The following TGFBRAP1 variants were observed in gnomAD, a reference collection of about 807,000 sequenced individuals.
TGFBRAP1 encodes the protein transforming growth factor beta receptor associated protein 1.
A neutral mutation model predicts 83.2 loss-of-function variants in TGFBRAP1; 20 were observed. The observed-to-expected ratio is 0.24, with a 90% CI of 0.17 to 0.35. TGFBRAP1 has a LOEUF of 0.35. Among genes scored for constraint, TGFBRAP1 ranks in the 10% least tolerant of loss-of-function variants. The pLI, the probability that TGFBRAP1 is intolerant of heterozygous loss-of-function variation, is 1.00. For missense variants in TGFBRAP1, 950 were observed against 1,099.4 expected, an observed-to-expected ratio of 0.86 and a Z score of 1.92; for synonymous variants, 415 against 459.8, an observed-to-expected ratio of 0.90 and a Z score of 1.25.
Position 105,267,482 on chromosome 2 carries a change from A to C in TGFBRAP1, c.2484T>G (p.Pro828=). 1 of 1,614,230 alleles carries C rather than the reference A, an allele frequency of 6.2e-7. No homozygotes were observed. The highest frequency in any genetic ancestry group is 8.5e-7 in the Non-Finnish European group (1 of 1,180,048). ...CQICQNPFCE[P]VFVRYPNGGL... ...CACCATTTGGGTATCTAACAAACAC[A>C]GGCTCACAAAAGGGATTTTGGCATA... The change falls in exon 12 of 12, where the codon CCT becomes CCG. Residue 828 remains proline (P), a synonymous_variant. Coordinates refer to ENST00000393359, the MANE Select transcript of TGFBRAP1 (RefSeq NM_004257.6).
At chr2:105,285,589 C>T (rs551278144) in intron 4 of TGFBRAP1, among the ~76,000 whole-genome samples, 68 of 152,342 alleles carry the variant, frequency 4.5e-4, no homozygotes, top group Non-Finnish European at 8.1e-4. Context: ...GAAGGTACAA[C>T]AGAAGTGGAA....
chr2:105,258,764 C>T, the TGFBRAP1 span, among the ~76,000 whole-genome samples: 3 of 151,698 alleles, frequency 2.0e-5, no homozygotes, highest in Admixed American at 6.6e-5. Flanking sequence ...CACACACACA[C>T]ACACACACAC....
intron 1 of TGFBRAP1, among the ~76,000 whole-genome samples, chr2:105,325,486 T>C (rs771076407): frequency 6.6e-6 from 1 of 152,162 alleles, no homozygotes; most frequent in Non-Finnish European, 1.5e-5. Flanking sequence ...CATATTCTTA[T>C]TGATTGAGGG....
At chr2:105,299,378 A>G (rs1331696607) in intron 2 of TGFBRAP1, among the ~76,000 whole-genome samples, 1 of 152,234 alleles carries the variant, frequency 6.6e-6, no homozygotes, top group Non-Finnish European at 1.5e-5. Flanking sequence ...ACGTGAGGAC[A>G]AAGTGACTTT....
chr2:105,296,290 G>A, intron 4 of TGFBRAP1, 66 bp downstream of exon 4: 1 of 1,595,538 alleles, frequency 6.3e-7, no homozygotes, highest in Non-Finnish European at 8.5e-7. Context: ...ATGCATGTTA[G>A]TTAAATCTGA....
Position 105,277,691 on chromosome 2 carries a change from T to C in TGFBRAP1, c.1464-20A>G. On this transcript the variant is annotated intron_variant, in intron 6 of 11. Transcript: ENST00000393359. ...AAATACCTGAAACAGAACAACACGG[T>C]AAGTACAACCTCTCCCCATCAGCTC... The C allele has an allele frequency of 1.2e-6, 2 of 1,613,478 alleles. No individual in the cohort carries two copies. The highest frequency in any genetic ancestry group is 1.1e-5 in the South Asian group (1 of 91,066).
intron 1 of TGFBRAP1, among the ~76,000 whole-genome samples, chr2:105,320,489 G>T (rs1377468923): frequency 6.6e-6 from 1 of 151,852 alleles, no homozygotes; most frequent in East Asian, 1.9e-4. Context: ...CAGATCTGAA[G>T]GCAATGCAGA....
rs542274960 is a variant in TGFBRAP1 at position 105,293,777 on chromosome 2, C to A, written c.1038+2579G>T. 2.3e-4 allele frequency among the ~76,000 whole-genome samples: 35 copies of A among 152,238 alleles called. 1 individual carries two copies. In the South Asian group the frequency reaches 2.7e-3, roughly 12 times the overall value. ...GCCAATCCATTATATCACAGCTCTG[C>A]TGGAAGGCCAGTTGGAAGCTCTGAA... is the stretch of plus-strand genomic sequence containing the variant. On this transcript the variant is annotated intron_variant, in intron 4 of 11. Transcript: ENST00000393359.
intron 2 of TGFBRAP1, among the ~76,000 whole-genome samples, chr2:105,299,331 T>C (rs995979976): frequency 1.3e-5 from 2 of 152,028 alleles, no homozygotes; most frequent in Non-Finnish European, 2.9e-5. Context: ...TACATTTCCA[T>C]ATAAGCCACA....
intron 2 of TGFBRAP1, among the ~76,000 whole-genome samples, chr2:105,299,544 A>T (rs1285885813): frequency 1.3e-5 from 2 of 152,012 alleles, no homozygotes; most frequent in African/African-American, 4.8e-5. Flanking sequence ...TTAAGGCTGA[A>T]CATCGCCCAA....
rs762329839 is a variant in TGFBRAP1, at chr2:105,308,202, C to T, written c.100G>A (p.Gly34Ser). 7.4e-6 allele frequency: 12 copies of T among 1,614,096 alleles called. No individual in the cohort carries two copies. Among genetic ancestry groups the T allele is most frequent in the South Asian group, 2.2e-5 (2 of 91,088 alleles). Reference sequence around the variant, plus strand: ...TTGGTGCCCACGTAGAGGTCCCTGCCGCAGCACTCCACGCACTCTATGTTG... The same window carrying T: ...TTGGTGCCCACGTAGAGGTCCCTGCTGCAGCACTCCACGCACTCTATGTTG... ...RVNIECVECC[G>S]RDLYVGTNDC... is the part of the protein sequence containing the mutation. The change falls in exon 2 of 12, where the codon GGC becomes AGC. Residue 34 changes from glycine to serine, a missense_variant. Gly to Ser is a moderately conservative substitution (Grantham distance 56, BLOSUM62 0). Transcript: ENST00000393359.
At chr2:105,325,666 T>C (rs906423963) in intron 1 of TGFBRAP1, among the ~76,000 whole-genome samples, 3 of 152,112 alleles carry the variant, frequency 2.0e-5, no homozygotes, top group Admixed American at 2.0e-4. Context: ...TGGCTCTATC[T>C]GCTTGCTGAA....
At chr2:105,272,453 G>A (rs115892234) in intron 10 of TGFBRAP1, among the ~76,000 whole-genome samples, 286 of 152,272 alleles carry the variant, frequency 1.9e-3, no homozygotes, top group African/African-American at 6.4e-3. Flanking sequence ...ACACACAGAC[G>A]TCTAAAGTCT....
intron 4 of TGFBRAP1, among the ~76,000 whole-genome samples, chr2:105,288,934 T>C (rs1235199471): frequency 1.3e-5 from 2 of 152,198 alleles, no homozygotes; most frequent in Non-Finnish European, 2.9e-5. Flanking sequence ...AGTGTTAGAA[T>C]ATTAGAGGCT....
chr2:105,322,110 T>C (rs1679084802), intron 1 of TGFBRAP1, among the ~76,000 whole-genome samples: 1 of 152,128 alleles, frequency 6.6e-6, no homozygotes, highest in East Asian at 1.9e-4. Flanking sequence ...ATAAGGATGA[T>C]CCTGACCCTG....
intron 2 of TGFBRAP1, among the ~76,000 whole-genome samples, chr2:105,306,269 T>C (rs1381843314): frequency 1.3e-5 from 2 of 150,162 alleles, no homozygotes; most frequent in Admixed American, 1.3e-4. Flanking sequence ...TCCATGTTGG[T>C]CAGGATGGTC....
In TGFBRAP1 at chr2:105,307,825, C is replaced by T. The variant is rs755402280; in HGVS notation, c.477G>A (p.Gln159=). ...CGGCAGTCGACACCTCCTTGACGAT[C>T]TGCACCCGGTCCTCGTACACCAGAA... ...QMFLVYEDRV[Q]IVKEVSTAEQ... The change falls in exon 2 of 12, where the codon CAG becomes CAA. Residue 159 remains glutamine, a synonymous_variant. Coordinates refer to ENST00000393359, the MANE Select transcript of TGFBRAP1 (RefSeq NM_004257.6). 2 of 1,614,228 alleles carry T rather than the reference C, an allele frequency of 1.2e-6. No individual in the cohort carries two copies. The highest frequency in any genetic ancestry group is 1.1e-5 in the South Asian group (1 of 91,084).
intron 2 of TGFBRAP1, among the ~76,000 whole-genome samples, chr2:105,299,487 G>A (rs1428503466): frequency 1.3e-5 from 2 of 151,946 alleles, no homozygotes; most frequent in East Asian, 1.9e-4. Flanking sequence ...CAATAACATC[G>A]CCCAGCCTCA....
At chr2:105,301,937 G>A (rs563835359) in intron 2 of TGFBRAP1, among the ~76,000 whole-genome samples, 13 of 143,974 alleles carry the variant, frequency 9.0e-5, no homozygotes, top group Middle Eastern at 3.9e-3. Flanking sequence ...GCTTTTTCAC[G>A]GTAAAATATG....
Sources: gnomAD v4.1 joint callset for allele counts (sites outside exome capture counted in the v4.1 genomes callset) on GRCh38, gnomAD v4.1.1 for gene constraint, MANE v1.5 for transcripts, NCBI Gene and HGNC (gene_info 2026-07-23, HGNC 2026-07-21) for gene names.